Variants in DNAI1 observed in about 807,000 individuals in gnomAD.
DNAI1 encodes the protein dynein axonemal intermediate chain 1.
Under a neutral mutation model 92.0 loss-of-function variants are expected in DNAI1, and 67 were observed. That is an observed-to-expected ratio of 0.73 (90% CI 0.60 to 0.89). The LOEUF (loss-of-function observed/expected upper bound fraction) is 0.89, where lower values mean the gene tolerates loss of function less well. DNAI1 is among the 40% of genes least tolerant of loss of function. The pLI, the probability that DNAI1 is intolerant of heterozygous loss-of-function variation, is 0.00. For missense variants in DNAI1, 839 were observed against 866.6 expected, an observed-to-expected ratio of 0.97 and a Z score of 0.40; for synonymous variants, 323 against 319.6, an observed-to-expected ratio of 1.01 and a Z score of -0.11.
intron 1 of DNAI1, among the ~76,000 whole-genome samples, chr9:34,465,668 G>A (rs1195635182): frequency 1.3e-5 from 2 of 152,188 alleles, no homozygotes; most frequent in South Asian, 2.1e-4. Flanking sequence ...CTCAGTACAT[G>A]CCAGGTACTC....
intron 10 of DNAI1, among the ~76,000 whole-genome samples, chr9:34,498,628 T>A (rs747066374): frequency 1.3e-5 from 2 of 152,262 alleles, no homozygotes; most frequent in Non-Finnish European, 2.9e-5. Flanking sequence ...TCCCATGGCA[T>A]GAACAGCACA....
chr9:34,462,653 T>C (rs1159987823), intron 1 of DNAI1, among the ~76,000 whole-genome samples: 1 of 152,142 alleles, frequency 6.6e-6, no homozygotes, highest in Non-Finnish European at 1.5e-5. Flanking sequence ...ATGGGGAGAC[T>C]TGTGGGGAAT....
At chr9:34,519,216 C>T (rs1390482879) in intron 19 of DNAI1, among the ~76,000 whole-genome samples, 1 of 152,168 alleles carries the variant, frequency 6.6e-6, no homozygotes, top group African/African-American at 2.4e-5. Context: ...GAGCTGCAGA[C>T]TCCCTGCCCT....
At chr9:34,508,198 C>G (rs1416983336) in intron 13 of DNAI1, among the ~76,000 whole-genome samples, 1 of 152,200 alleles carries the variant, frequency 6.6e-6, no homozygotes, top group Non-Finnish European at 1.5e-5. Context: ...CAGGCAAGTT[C>G]TACACTCCTG....
intron 1 of DNAI1, among the ~76,000 whole-genome samples, chr9:34,470,007 AAGT>A (rs1824109540): frequency 6.6e-6 from 1 of 152,254 alleles, no homozygotes; most frequent in African/African-American, 2.4e-5. Context: ...GGAAAGGATG[AAGT>A]AGTGGTGGTA....
At chr9:34,478,212 A>G (rs897110237) in intron 1 of DNAI1, among the ~76,000 whole-genome samples, 3 of 152,110 alleles carry the variant, frequency 2.0e-5, no homozygotes, top group African/African-American at 7.2e-5. Flanking sequence ...AGGGAAAACA[A>G]ATAATAAAAG....
chr9:34,493,334 G>T lies in DNAI1; in HGVS notation c.816+6G>T. 4 of 1,614,058 alleles carry T rather than the reference G, an allele frequency of 2.5e-6. No individual in the cohort carries two copies. Among genetic ancestry groups the T allele is most frequent in the Non-Finnish European group, 3.4e-6 (4 of 1,179,910 alleles). On this transcript the variant is annotated splice_donor_region_variant and intron_variant, in intron 9 of 19. Coordinates refer to ENST00000242317, the MANE Select transcript of DNAI1 (RefSeq NM_012144.4). ...TGACATCTATGGAGTCTCAGGTTTGGTGTTAGTTCCTACAGCTCTGCCACA... is the reference window on the plus strand; with the variant it reads ...TGACATCTATGGAGTCTCAGGTTTGTTGTTAGTTCCTACAGCTCTGCCACA...
chr9:34,478,732 A>G (rs1309893748), intron 1 of DNAI1: 1 of 152,240 alleles, frequency 6.6e-6, no homozygotes, highest in Non-Finnish European at 1.5e-5. Context: ...ACTCTTTCAT[A>G]GACATCTTCC....
At chr9:34,496,251 C>T (rs1190191435) in intron 9 of DNAI1, among the ~76,000 whole-genome samples, 1 of 152,158 alleles carries the variant, frequency 6.6e-6, no homozygotes, top group Non-Finnish European at 1.5e-5. Context: ...CTCTAGAACC[C>T]ATCCTTTTAA....
At chr9:34,477,978 C>T (rs1037577747) in intron 1 of DNAI1, among the ~76,000 whole-genome samples, 1 of 142,704 alleles carries the variant, frequency 7.0e-6, no homozygotes, top group Non-Finnish European at 1.5e-5. Flanking sequence ...CCTCTGCCTC[C>T]CGGGTTCAAG....
rs375662479 is a variant in DNAI1 at position 34,520,793 on chromosome 9, C to G, written c.*37C>G. 6.5e-7 allele frequency: 1 copy of G among 1,544,200 alleles called. No individual in the cohort carries two copies. The highest frequency in any genetic ancestry group is 8.8e-7 in the Non-Finnish European group (1 of 1,140,342). Reference sequence around the variant, plus strand: ...CAGTCTCTGTCCCATCGCTTGAATACAGTACTCCTAGGGCTTGACCCTGGT... The same window carrying G: ...CAGTCTCTGTCCCATCGCTTGAATAGAGTACTCCTAGGGCTTGACCCTGGT... On this transcript the variant is annotated 3_prime_UTR_variant, in exon 20 of 20. Coordinates refer to ENST00000242317, the MANE Select transcript of DNAI1 (RefSeq NM_012144.4).
rs373479205 is a variant in DNAI1 at position 34,514,777 on chromosome 9, G to T, written c.1818+38G>T. On this transcript the variant is annotated intron_variant, in intron 18 of 19. Transcript: ENST00000242317. ...GTCCTGACTTCACTGAGTCCCTACTGGAGATCAGGTGTGTTATCTCAGGGG... is the reference window on the plus strand; with the variant it reads ...GTCCTGACTTCACTGAGTCCCTACTTGAGATCAGGTGTGTTATCTCAGGGG... 4.4e-6 allele frequency: 7 copies of T among 1,603,188 alleles called. No homozygotes were observed. In the African/African-American group the frequency reaches 6.7e-5, roughly 15 times the overall value.
chr9:34,484,014 G>T (rs1299018341), intron 2 of DNAI1, among the ~76,000 whole-genome samples: 1 of 152,034 alleles, frequency 6.6e-6, no homozygotes, highest in African/African-American at 2.4e-5. Context: ...TCAGGAGTTC[G>T]AGACCAGCCT....
intron 1 of DNAI1, among the ~76,000 whole-genome samples, chr9:34,469,289 A>G (rs887842028): frequency 6.9e-6 from 1 of 144,136 alleles, no homozygotes; most frequent in Non-Finnish European, 1.5e-5. Context: ...TTTTTGAGAC[A>G]AGGTCCCACT....
chr9:34,464,975 G>A (rs1824010655), intron 1 of DNAI1, among the ~76,000 whole-genome samples: 1 of 152,162 alleles, frequency 6.6e-6, no homozygotes, highest in South Asian at 2.1e-4. Flanking sequence ...AAGACAACAA[G>A]GAAAAATAAT....
intron 18 of DNAI1, among the ~76,000 whole-genome samples, chr9:34,515,462 A>T (rs898856129): frequency 3.3e-5 from 5 of 152,234 alleles, no homozygotes; most frequent in African/African-American, 1.2e-4. Flanking sequence ...GAAGGGAAAG[A>T]TACAAAAAGC....
chr9:34,465,464 C>G (rs1824020617), intron 1 of DNAI1, among the ~76,000 whole-genome samples: 1 of 152,196 alleles, frequency 6.6e-6, no homozygotes, highest in African/African-American at 2.4e-5. Flanking sequence ...GGAATTCCTT[C>G]TGGAAGTGAT....
chr9:34,508,710 T>C (rs1297223739), intron 13 of DNAI1, among the ~76,000 whole-genome samples: 1 of 152,110 alleles, frequency 6.6e-6, no homozygotes, highest in Non-Finnish European at 1.5e-5. Flanking sequence ...CCTACTCTGC[T>C]ATGTCCTGTA....
chr9:34,483,565 A>G (rs1824416294), intron 2 of DNAI1, 85 bp downstream of exon 2: 1 of 1,308,726 alleles, frequency 7.6e-7, no homozygotes, highest in East Asian at 2.5e-5. Context: ...GTTTTTAGAA[A>G]ATGCAAATGA....
Sources: allele counts gnomAD v4.1 joint callset (sites outside exome capture counted in the v4.1 genomes callset), GRCh38; gene constraint gnomAD v4.1.1; transcripts MANE v1.5; gene names NCBI Gene and HGNC (gene_info 2026-07-23, HGNC 2026-07-21).